SLC35F4: variants seen among roughly 807,000 people sequenced by gnomAD.
SLC35F4 encodes the protein solute carrier family 35 member F4.
In SLC35F4, 24 loss-of-function variants were observed where a neutral mutation model predicts 44.2. The observed-to-expected ratio is 0.54, with a 90% CI of 0.39 to 0.76. The LOEUF (loss-of-function observed/expected upper bound fraction) is 0.76, where lower values mean the gene tolerates loss of function less well. Ranked by LOEUF, SLC35F4 falls within the 30% of genes least tolerant of loss-of-function variation. The pLI is 0.00. For synonymous variants in SLC35F4, 238 were observed against 223.6 expected, an observed-to-expected ratio of 1.06 and a Z score of -0.57; for missense variants, 562 against 586.1, an observed-to-expected ratio of 0.96 and a Z score of 0.42.
At chr14:57,593,453 C>T (rs1212970484) in intron 2 of SLC35F4, among the ~76,000 whole-genome samples, 1 of 152,140 alleles carries the variant, frequency 6.6e-6, no homozygotes, top group Non-Finnish European at 1.5e-5. Flanking sequence ...AAATGCTGAT[C>T]AGGGAAGCCA....
intron 7 of SLC35F4, among the ~76,000 whole-genome samples, chr14:57,565,649 C>T (rs1426739008): frequency 6.6e-6 from 1 of 152,192 alleles, no homozygotes; most frequent in Non-Finnish European, 1.5e-5. Flanking sequence ...TATCTTACAG[C>T]CACTGGAGTC....
intron 1 of SLC35F4, among the ~76,000 whole-genome samples, chr14:57,965,050 C>T (rs1414617413): frequency 6.7e-6 from 1 of 149,222 alleles, no homozygotes; most frequent in African/African-American, 2.5e-5. Flanking sequence ...AGAGGCCACA[C>T]TTAGTGTATT....
chr14:57,725,360 G>A (rs755743600), intron 1 of SLC35F4, among the ~76,000 whole-genome samples: 18 of 152,156 alleles, frequency 1.2e-4, no homozygotes, highest in Admixed American at 3.9e-4. Flanking sequence ...ACCATTCCTC[G>A]GGGTGATCAG....
chr14:57,722,669 G>A (rs574024629), intron 1 of SLC35F4, among the ~76,000 whole-genome samples: 19 of 152,256 alleles, frequency 1.2e-4, no homozygotes, highest in South Asian at 1.0e-3. Context: ...GAGGCAAAGC[G>A]GCAATCAGAA....
At chr14:57,914,352 A>G (rs1241922956) in intron 1 of SLC35F4, among the ~76,000 whole-genome samples, 2 of 152,062 alleles carry the variant, frequency 1.3e-5, no homozygotes. Context: ...TCACAAGGTC[A>G]GGAGATTGAG....
intron 1 of SLC35F4, among the ~76,000 whole-genome samples, chr14:57,710,705 G>C (rs1185216286): frequency 1.3e-5 from 2 of 152,218 alleles, no homozygotes; most frequent in African/African-American, 4.8e-5. Flanking sequence ...GATCATTTTG[G>C]AACTTTAAGG....
At chr14:57,653,644 A>AG (rs1777972114) in intron 1 of SLC35F4, among the ~76,000 whole-genome samples, 1 of 152,222 alleles carries the variant, frequency 6.6e-6, no homozygotes, top group Non-Finnish European at 1.5e-5. Context: ...TTCCCAGTCA[A>AG]GCATGGTTAT....
chr14:57,699,261 G>T (rs2075468141), intron 1 of SLC35F4, among the ~76,000 whole-genome samples: 1 of 152,108 alleles, frequency 6.6e-6, no homozygotes, highest in Admixed American at 6.6e-5. Flanking sequence ...AAAAATAGAG[G>T]ATTTGGGGAC....
chr14:57,580,952 C>A, intron 4 of SLC35F4: 1 of 302,602 alleles, frequency 3.3e-6, no homozygotes, highest in Non-Finnish European at 6.0e-6. Context: ...AAAATTAATT[C>A]TAATATAGGA....
At chr14:57,618,492 C>G (rs752032387) in intron 1 of SLC35F4, among the ~76,000 whole-genome samples, 1 of 152,168 alleles carries the variant, frequency 6.6e-6, no homozygotes, top group African/African-American at 2.4e-5. Context: ...CTGTGAGGAA[C>G]GGTGCACTCT....
At chr14:57,955,804 T>C (rs1890226930) in intron 1 of SLC35F4, among the ~76,000 whole-genome samples, 1 of 152,168 alleles carries the variant, frequency 6.6e-6, no homozygotes, top group African/African-American at 2.4e-5. Context: ...CACAAACAAA[T>C]GGCAAAACAT....
chr14:57,868,220 G>A (rs1888224282), upstream of SLC35F4, among the ~76,000 whole-genome samples: 1 of 152,084 alleles, frequency 6.6e-6, no homozygotes, highest in African/African-American at 2.4e-5. Context: ...TTTTAAAATA[G>A]CAAAGCACTT....
intron 1 of SLC35F4, among the ~76,000 whole-genome samples, chr14:57,882,608 A>T (rs1038533592): frequency 6.6e-6 from 1 of 152,172 alleles, no homozygotes; most frequent in African/African-American, 2.4e-5. Flanking sequence ...TTTGTTTTTC[A>T]AAGGGAAATC....
intron 1 of SLC35F4, among the ~76,000 whole-genome samples, chr14:57,920,636 G>A (rs941449264): frequency 3.3e-5 from 5 of 152,160 alleles, no homozygotes; most frequent in South Asian, 2.1e-4. Context: ...AGCCTTTGGC[G>A]GACTCTGTCC....
chr14:57,599,707 C>T (rs1294557531), intron 1 of SLC35F4, among the ~76,000 whole-genome samples: 1 of 150,090 alleles, frequency 6.7e-6, no homozygotes, highest in Non-Finnish European at 1.5e-5. Context: ...CGTGTTGAGG[C>T]AGGAGAACCT....
chr14:57,767,750 A>G (rs952259100), intron 1 of SLC35F4, among the ~76,000 whole-genome samples: 80 of 152,278 alleles, frequency 5.3e-4, no homozygotes, highest in Non-Finnish European at 1.0e-3. Context: ...AAAAATCAAG[A>G]AAGTTAATAA....
intron 1 of SLC35F4, among the ~76,000 whole-genome samples, chr14:57,635,906 A>G (rs769146752): frequency 2.5e-4 from 38 of 152,298 alleles, no homozygotes; most frequent in South Asian, 4.1e-4. Flanking sequence ...CTTCAACAGC[A>G]TGTGAAAATG....
intron 1 of SLC35F4, among the ~76,000 whole-genome samples, chr14:57,968,890 A>T (rs548432581): frequency 5.9e-5 from 9 of 152,232 alleles, no homozygotes; most frequent in Non-Finnish European, 1.3e-4. Context: ...TTTTTAGGAA[A>T]ATCTTCTTAG....
chr14:57,620,794 A>T (rs982101375), intron 1 of SLC35F4, among the ~76,000 whole-genome samples: 1 of 152,238 alleles, frequency 6.6e-6, no homozygotes, highest in Non-Finnish European at 1.5e-5. Flanking sequence ...CCTATTCAAC[A>T]TAGTGTTGGA....
Sources: allele counts gnomAD v4.1 joint callset (sites outside exome capture counted in the v4.1 genomes callset), GRCh38; gene constraint gnomAD v4.1.1; transcripts MANE v1.5; gene names NCBI Gene and HGNC (gene_info 2026-07-23, HGNC 2026-07-21).